UHRF2: variants seen among roughly 807,000 people sequenced by gnomAD.
The protein encoded by UHRF2 is E3 ubiquitin-protein ligase UHRF2.
Under a neutral mutation model 96.8 loss-of-function variants are expected in UHRF2, and 23 were observed. That is an observed-to-expected ratio of 0.24 (90% CI 0.17 to 0.34). The LOEUF is 0.34. UHRF2 is among the 10% of genes least tolerant of loss of function. The pLI is 1.00. For missense variants in UHRF2, 685 were observed against 981.5 expected, an observed-to-expected ratio of 0.70 and a Z score of 4.04; for synonymous variants, 385 against 332.6, an observed-to-expected ratio of 1.16 and a Z score of -1.72.
At chr9:6,483,964 C>T (rs1016634718) in intron 8 of UHRF2, among the ~76,000 whole-genome samples, 1 of 152,186 alleles carries the variant, frequency 6.6e-6, no homozygotes, top group Non-Finnish European at 1.5e-5. Flanking sequence ...GCTGGGATTA[C>T]AGGCGTGAGC....
Position 6,413,526 on chromosome 9 carries a change from G to A in UHRF2, c.36G>A (p.Lys12=). The change falls in exon 1 of 16, where the codon AAG becomes AAA. Residue 12 remains lysine, a synonymous_variant. Transcript: ENST00000276893. ...WIQVRTIDGS[K]TCTIEDVSRK... The stretch of plus-strand genomic sequence containing the variant: ...AGGTTCGCACCATTGATGGCTCCAA[G>A]ACGTGCACCATTGAGGACGTGTCTC... The A allele has an allele frequency of 1.3e-6, 2 of 1,592,636 alleles. No homozygotes were observed. Among genetic ancestry groups the A allele is most frequent in the Non-Finnish European group, 1.7e-6 (2 of 1,170,606 alleles).
intron 6 of UHRF2, among the ~76,000 whole-genome samples, chr9:6,479,044 C>G (rs889305252): frequency 6.6e-6 from 1 of 152,130 alleles, no homozygotes; most frequent in Non-Finnish European, 1.5e-5. Flanking sequence ...TCCTCTCCCA[C>G]GTTGCCATTA....
At chr9:6,422,655 G>A (rs763909335) in intron 2 of UHRF2, 2 of 650,600 alleles carry the variant, frequency 3.1e-6, no homozygotes, top group Non-Finnish European at 5.7e-6. Context: ...TGTCACCCAG[G>A]CTGTAGTGCA....
intron 3 of UHRF2, among the ~76,000 whole-genome samples, chr9:6,435,470 A>G (rs938432033): frequency 3.3e-5 from 5 of 152,210 alleles, no homozygotes; most frequent in East Asian, 1.9e-4. Context: ...GTTCACATAC[A>G]GTTTACCTGT....
At chr9:6,477,560 T>C in intron 5 of UHRF2, 62 bp from the exon 6 acceptor site, 1 of 1,435,106 alleles carries the variant, frequency 7.0e-7, no homozygotes, top group Non-Finnish European at 9.4e-7. Context: ...CTTTTCTTTA[T>C]GAGATTCATA....
chr9:6,504,182 C>A (rs1418971849), intron 14 of UHRF2, among the ~76,000 whole-genome samples: 1 of 151,954 alleles, frequency 6.6e-6, no homozygotes, highest in East Asian at 1.9e-4. Flanking sequence ...CACGCCGCCA[C>A]GCCCAGATAA....
chr9:6,479,711 T>TC (rs1823810093), intron 6 of UHRF2, among the ~76,000 whole-genome samples: 1 of 152,166 alleles, frequency 6.6e-6, no homozygotes, highest in Non-Finnish European at 1.5e-5. Flanking sequence ...ATCCTGCTCC[T>TC]CCCCCAGTCT....
intron 1 of UHRF2, 27 bp downstream of exon 1, chr9:6,413,670 C>T (rs749483905): frequency 6.5e-7 from 1 of 1,544,170 alleles, no homozygotes; most frequent in Non-Finnish European, 8.7e-7. Context: ...GCGCCCCTAG[C>T]GAGGCTGGGG....
chr9:6,505,170 C>T (rs1485070455), intron 15 of UHRF2, among the ~76,000 whole-genome samples: 1 of 152,070 alleles, frequency 6.6e-6, no homozygotes, highest in Non-Finnish European at 1.5e-5. Context: ...GCCCTAACTT[C>T]AGAACTTCAG....
chr9:6,442,873 C>T (rs1401885437), intron 3 of UHRF2, among the ~76,000 whole-genome samples: 1 of 152,160 alleles, frequency 6.6e-6, no homozygotes, highest in Non-Finnish European at 1.5e-5. Context: ...TCTTTATCCT[C>T]TTAAAACCAA....
intron 12 of UHRF2, chr9:6,499,336 G>A (rs1282268873): frequency 6.6e-6 from 1 of 151,650 alleles, no homozygotes; most frequent in Non-Finnish European, 1.5e-5. Context: ...AGCTGGTGGA[G>A]GATTTAGTAA....
intron 6 of UHRF2, among the ~76,000 whole-genome samples, chr9:6,478,486 T>C (rs1419004306): frequency 2.6e-5 from 4 of 152,236 alleles, no homozygotes; most frequent in Non-Finnish European, 5.9e-5. Context: ...GTTGATACAT[T>C]GAAGAAGGCT....
chr9:6,439,940 A>T (rs1203014934), intron 3 of UHRF2, among the ~76,000 whole-genome samples: 1 of 152,228 alleles, frequency 6.6e-6, no homozygotes, highest in Non-Finnish European at 1.5e-5. Context: ...TTAAGTGGTT[A>T]ATGTAAAAGA....
chr9:6,487,569 G>A (rs1250184154), intron 9 of UHRF2, among the ~76,000 whole-genome samples: 4 of 152,168 alleles, frequency 2.6e-5, no homozygotes, highest in East Asian at 1.9e-4. Context: ...GTTTCACCAC[G>A]ATGGCCAGGC....
chr9:6,462,276 A>G (rs1309454216), intron 4 of UHRF2, among the ~76,000 whole-genome samples: 1 of 135,384 alleles, frequency 7.4e-6, no homozygotes, highest in Non-Finnish European at 1.6e-5. Context: ...AGCCAAAACT[A>G]CTTACTTTCT....
At chr9:6,483,698 G>A (rs551610226) in intron 8 of UHRF2, among the ~76,000 whole-genome samples, 51 of 152,176 alleles carry the variant, frequency 3.4e-4, no homozygotes, top group Non-Finnish European at 6.6e-4. Context: ...TTTTTTGTTT[G>A]TTTGTTTGGA....
intron 4 of UHRF2, among the ~76,000 whole-genome samples, chr9:6,467,677 G>T (rs1227104898): frequency 6.9e-6 from 1 of 144,378 alleles, no homozygotes; most frequent in African/African-American, 2.6e-5. Context: ...GCTGACAGAA[G>T]TTGAATTCTT....
chr9:6,481,579 T>C, intron 6 of UHRF2, 64 bp from the exon 7 acceptor site: 1 of 1,569,812 alleles, frequency 6.4e-7, no homozygotes, highest in South Asian at 1.2e-5. Flanking sequence ...GGAAGGCTAA[T>C]ATTCTGTTAC....
At chr9:6,482,342 C>G (rs1380078046) in intron 8 of UHRF2, among the ~76,000 whole-genome samples, 4 of 152,088 alleles carry the variant, frequency 2.6e-5, no homozygotes, top group Non-Finnish European at 5.9e-5. Flanking sequence ...GTGGTAGTAA[C>G]CATTATTGTT....
Sources: gnomAD v4.1 joint callset for allele counts (sites outside exome capture counted in the v4.1 genomes callset) on GRCh38, gnomAD v4.1.1 for gene constraint, MANE v1.5 for transcripts, NCBI Gene and HGNC (gene_info 2026-07-23, HGNC 2026-07-21) for gene names.